Variants in CFAP61 observed in about 807,000 individuals in gnomAD.
The protein encoded by CFAP61 is cilia and flagella associated protein 61.
Under a neutral mutation model 135.6 loss-of-function variants are expected in CFAP61, and 107 were observed. The observed-to-expected ratio is 0.79, with a 90% CI of 0.67 to 0.93. The LOEUF is 0.93. Among genes scored for constraint, CFAP61 ranks in the 40% least tolerant of loss-of-function variants. The pLI, the probability that CFAP61 is intolerant of heterozygous loss-of-function variation, is 0.00. For missense variants in CFAP61, 1,507 were observed against 1,556.2 expected, an observed-to-expected ratio of 0.97 and a Z score of 0.53; for synonymous variants, 575 against 578.5, an observed-to-expected ratio of 0.99 and a Z score of 0.09.
Position 20,191,285 on chromosome 20 carries a change from C to A in CFAP61, c.1513-57C>A, listed in dbSNP as rs955855649. On this transcript the variant is annotated intron_variant, in intron 14 of 26. Transcript: ENST00000245957. The stretch of plus-strand genomic sequence containing the variant: ...GTTAAGACCCACTGTTGCCTGCTTA[C>A]AAAAACATTCATAGCCATATTTTTA... The A allele has an allele frequency of 1.7e-5, 25 of 1,462,274 alleles. No individual in the cohort carries two copies. In the Admixed American group the frequency reaches 3.2e-4, roughly 19 times the overall value. 90.6% of individuals were successfully genotyped at this position (1,462,274 alleles called of 1,614,324 possible).
chr20:20,101,463 T>A (rs1467438628), intron 8 of CFAP61, among the ~76,000 whole-genome samples: 1 of 152,208 alleles, frequency 6.6e-6, no homozygotes, highest in Admixed American at 6.5e-5. Flanking sequence ...CATCAGTGGC[T>A]GACCCAGAAG....
chr20:20,332,724 C>A (rs1448392666), intron 25 of CFAP61, among the ~76,000 whole-genome samples: 1 of 152,180 alleles, frequency 6.6e-6, no homozygotes, highest in African/African-American at 2.4e-5. Context: ...AAGTGATCCT[C>A]CTGCCTCTGC....
chr20:20,242,178 A>G (rs779772212), intron 18 of CFAP61, among the ~76,000 whole-genome samples: 31 of 152,196 alleles, frequency 2.0e-4, no homozygotes, highest in Non-Finnish European at 3.1e-4. Flanking sequence ...AACATTTCCA[A>G]TCTTCTCATG....
chr20:20,354,265 G>A (rs747258364), intron 26 of CFAP61, among the ~76,000 whole-genome samples: 3 of 152,180 alleles, frequency 2.0e-5, no homozygotes, highest in Non-Finnish European at 4.4e-5. Context: ...ACTTTGGGAG[G>A]CTGAGGCAGG....
chr20:20,252,122 G>A (rs189913102), intron 20 of CFAP61, among the ~76,000 whole-genome samples: 13 of 152,344 alleles, frequency 8.5e-5, no homozygotes, highest in Admixed American at 7.8e-4. Context: ...TGCCTCAAGA[G>A]GCTAACATTT....
intron 26 of CFAP61, among the ~76,000 whole-genome samples, chr20:20,344,250 G>A (rs2058555342): frequency 6.6e-6 from 1 of 152,234 alleles, no homozygotes; most frequent in Non-Finnish European, 1.5e-5. Context: ...GGGAGTAGCA[G>A]AGGGGAAGTG....
At chr20:20,242,835 TAA>T (rs1364901489) in intron 18 of CFAP61, among the ~76,000 whole-genome samples, 1 of 152,202 alleles carries the variant, frequency 6.6e-6, no homozygotes, top group Non-Finnish European at 1.5e-5. Flanking sequence ...CTGAATGTAA[TAA>T]AGCTAATGTC....
intron 22 of CFAP61, among the ~76,000 whole-genome samples, chr20:20,285,684 A>G (rs911519286): frequency 1.3e-5 from 2 of 152,136 alleles, no homozygotes; most frequent in Non-Finnish European, 2.9e-5. Context: ...TTGGGAGGCC[A>G]AGGTAGGTGG....
chr20:20,116,798 T>C (rs1187481994), intron 8 of CFAP61, among the ~76,000 whole-genome samples: 4 of 152,150 alleles, frequency 2.6e-5, no homozygotes, highest in Non-Finnish European at 5.9e-5. Context: ...GTCTATTCTC[T>C]ATCTTCATGA....
intron 17 of CFAP61, 110 bp from the exon 18 acceptor site, chr20:20,228,139 T>G: frequency 2.2e-6 from 2 of 895,914 alleles, no homozygotes; most frequent in Non-Finnish European, 3.3e-6. Flanking sequence ...ATTAGGTTTG[T>G]TTTGGTGGTA....
chr20:20,176,416 G>A (rs972265411), intron 13 of CFAP61, among the ~76,000 whole-genome samples: 6 of 145,858 alleles, frequency 4.1e-5, no homozygotes, highest in East Asian at 2.0e-4. Flanking sequence ...ATTGCGCACC[G>A]TTCATACTTG....
At chr20:20,299,310 C>T (rs746811483) in intron 25 of CFAP61, among the ~76,000 whole-genome samples, 2 of 152,216 alleles carry the variant, frequency 1.3e-5, no homozygotes, top group African/African-American at 4.8e-5. Context: ...ACAGCCCTCC[C>T]TCATCTTCGT....
At chr20:20,293,197 A>C (rs1271428230) in intron 24 of CFAP61, among the ~76,000 whole-genome samples, 1 of 152,210 alleles carries the variant, frequency 6.6e-6, no homozygotes, top group African/African-American at 2.4e-5. Flanking sequence ...GATTTCCTAC[A>C]TGCGGCATCG....
rs1240804440 is a variant in CFAP61, at chr20:20,357,928, C to G, written c.3514-2282C>G. Reference sequence around the variant, plus strand: ...GGTGGTCACACTGAGGGGAGGTGGTCACACTGAGGGAAGGTGGTCACACTG... The same window carrying G: ...GGTGGTCACACTGAGGGGAGGTGGTGACACTGAGGGAAGGTGGTCACACTG... On this transcript the variant is annotated intron_variant, in intron 26 of 26. Transcript: ENST00000245957. 1.0e-4 allele frequency among the ~76,000 whole-genome samples: 12 copies of G among 115,734 alleles called. No homozygotes were observed. The South Asian group carries it at 2.1e-3, about 20-fold the overall frequency. 75.9% of individuals were successfully genotyped at this position (115,734 alleles called of 152,430 possible).
intron 16 of CFAP61, among the ~76,000 whole-genome samples, chr20:20,198,530 T>G (rs1376378919): frequency 6.6e-6 from 1 of 152,226 alleles, no homozygotes; most frequent in Non-Finnish European, 1.5e-5. Context: ...ACATATTCAT[T>G]TAAAACAAGT....
intron 25 of CFAP61, among the ~76,000 whole-genome samples, chr20:20,304,060 C>T (rs1204529025): frequency 3.9e-5 from 6 of 152,168 alleles, no homozygotes; most frequent in African/African-American, 1.4e-4. Context: ...AAGGGGCTCA[C>T]TTGGAACCAT....
chr20:20,244,478 C>T (rs1170308891), intron 18 of CFAP61, among the ~76,000 whole-genome samples: 1 of 152,248 alleles, frequency 6.6e-6, no homozygotes, highest in African/African-American at 2.4e-5. Context: ...GAAGCCATAG[C>T]CTGAGCTCTA....
chr20:20,275,032 A>AAGGCAAG (rs5840878), intron 21 of CFAP61, among the ~76,000 whole-genome samples: 1 of 151,424 alleles, frequency 6.6e-6, no homozygotes, highest in Non-Finnish European at 1.5e-5. Context: ...GCTCATGGGC[A>AAGGCAAG]TGACCATGAC....
intron 1 of CFAP61, among the ~76,000 whole-genome samples, chr20:20,054,115 A>C (rs2044070768): frequency 6.8e-6 from 1 of 147,812 alleles, no homozygotes; most frequent in African/African-American, 2.5e-5. Flanking sequence ...CTTATTTCCC[A>C]GCATTTAATC....
Sources: allele counts gnomAD v4.1 joint callset (sites outside exome capture counted in the v4.1 genomes callset), GRCh38; gene constraint gnomAD v4.1.1; transcripts MANE v1.5; gene names NCBI Gene and HGNC (gene_info 2026-07-23, HGNC 2026-07-21).